CDC27: variants seen among roughly 807,000 people sequenced by gnomAD.
CDC27 encodes cell division cycle protein 27 homolog.
A neutral mutation model predicts 109.7 loss-of-function variants in CDC27; 27 were observed. That is an observed-to-expected ratio of 0.25 (90% CI 0.18 to 0.34). The LOEUF is 0.34. Among genes scored for constraint, CDC27 ranks in the 10% least tolerant of loss-of-function variants. The pLI is 1.00. For missense variants in CDC27, 579 were observed against 960.2 expected (o/e 0.60, Z 5.25); for synonymous variants, 266 against 333.9 (o/e 0.80, Z 2.22).
At position 47,147,400 on chromosome 17, in the gene CDC27, AAAACAAAC is replaced by A. The variant is rs532383207; in HGVS notation, c.1071-3426_1071-3419del. ...GGCGACAGAGCGAAACTCCGTCTCA[AAAACAAAC>A]AAACAAACAAACAAACAAACAAAAA... On this transcript the variant is annotated intron_variant, in intron 9 of 18. Transcript: ENST00000066544. Among the ~76,000 whole-genome samples the A allele has an allele frequency of 1.6e-3, 225 of 143,044 alleles. 1 individual carries two copies. The highest frequency in any genetic ancestry group is 5.4e-3 in the African/African-American group (207 of 38,598). The allele number at this position is 143,044 out of a possible 152,430, so 93.8% of individuals were successfully genotyped here.
intron 2 of CDC27, among the ~76,000 whole-genome samples, chr17:47,177,291 T>C (rs2148988362): frequency 6.6e-6 from 1 of 152,170 alleles, no homozygotes; most frequent in East Asian, 1.9e-4. Flanking sequence ...TATTAAAAAA[T>C]AAAGACCGGA....
At chr17:47,145,540 C>G (rs567645672) in intron 9 of CDC27, among the ~76,000 whole-genome samples, 9 of 152,058 alleles carry the variant, frequency 5.9e-5, no homozygotes, top group Non-Finnish European at 1.0e-4. Context: ...CTCCTGGGAC[C>G]GTGCCTGAAT....
At chr17:47,178,470 G>C (rs563997078) in intron 2 of CDC27, among the ~76,000 whole-genome samples, 1 of 151,262 alleles carries the variant, frequency 6.6e-6, no homozygotes, top group Non-Finnish European at 1.5e-5. Context: ...GGGAGGTCAA[G>C]GCTGAAGTGA....
At position 47,152,563 on chromosome 17, in the gene CDC27, C is replaced by G. The variant is rs11570499; in HGVS notation, c.958-645G>C. Among the ~76,000 whole-genome samples, 16 of 152,186 alleles carry G rather than the reference C, an allele frequency of 1.1e-4. No homozygotes were observed. The East Asian group carries it at 2.1e-3, about 20-fold the overall frequency. On this transcript the variant is annotated intron_variant, in intron 8 of 18. Coordinates refer to ENST00000066544, the MANE Select transcript of CDC27 (RefSeq NM_001256.6). Reference sequence around the variant, plus strand: ...TCTAATTTATTCCCTTATTTCTATTCATTTCCACCATCTAGCTTCTTTAAA... The same window carrying G: ...TCTAATTTATTCCCTTATTTCTATTGATTTCCACCATCTAGCTTCTTTAAA...
intron 4 of CDC27, among the ~76,000 whole-genome samples, chr17:47,167,597 T>G (rs1055870428): frequency 1.8e-4 from 28 of 152,232 alleles, no homozygotes; most frequent in Admixed American, 6.5e-4. Flanking sequence ...ACGTTTAATG[T>G]GATAATAAAA....
chr17:47,134,585 C>T (rs1432696275), intron 14 of CDC27, among the ~76,000 whole-genome samples: 1 of 151,866 alleles, frequency 6.6e-6, no homozygotes, highest in Non-Finnish European at 1.5e-5. Context: ...AAGTGGTTTT[C>T]CTGCCTCAGT....
chr17:47,161,691 A>C (rs2063501830), intron 4 of CDC27: 2 of 152,358 alleles, frequency 1.3e-5, no homozygotes, highest in African/African-American at 4.8e-5. Flanking sequence ...TGGAGGTTAC[A>C]GTGAGTCGAG....
intron 14 of CDC27, among the ~76,000 whole-genome samples, chr17:47,134,347 C>T (rs529322277): frequency 6.8e-4 from 102 of 150,902 alleles, no homozygotes; most frequent in African/African-American, 2.2e-3. Context: ...CTCTGTCGCC[C>T]GGGCTGGAGT....
chr17:47,169,881 AATGCTTTTCTGAC>A (rs2063762546), intron 4 of CDC27, 23 bp downstream of exon 4: 1 of 1,532,194 alleles, frequency 6.5e-7, no homozygotes, highest in African/African-American at 1.4e-5. Flanking sequence ...CTTGTATGGA[AATGCTTTTCTGAC>A]AGTTTGAATC....
At chr17:47,122,956 C>A (rs1041163459) in intron 17 of CDC27, among the ~76,000 whole-genome samples, 3 of 152,086 alleles carry the variant, frequency 2.0e-5, no homozygotes, top group African/African-American at 7.2e-5. Context: ...TGTGAGCCAC[C>A]GCGCCCAGCC....
chr17:47,160,297 G>A (rs2063461360), intron 4 of CDC27, among the ~76,000 whole-genome samples: 1 of 147,314 alleles, frequency 6.8e-6, no homozygotes, highest in Non-Finnish European at 1.5e-5. Flanking sequence ...GCATGATCTC[G>A]GCTCACTGCA....
chr17:47,181,648 A>G lies in CDC27; in HGVS notation c.28-11T>C. The G allele has an allele frequency of 6.4e-7, 1 of 1,558,780 alleles. No homozygotes were observed. The highest frequency in any genetic ancestry group is 8.8e-7 in the Non-Finnish European group (1 of 1,133,706). On this transcript the variant is annotated splice_polypyrimidine_tract_variant and intron_variant, in intron 1 of 18. Coordinates refer to ENST00000066544, the MANE Select transcript of CDC27 (RefSeq NM_001256.6). ...TTGCCATATAGCAGCCTGCAAATGG[A>G]GGAAAAAGAACATAAATATACATAC...
chr17:47,132,975 T>C (rs1218618936), intron 14 of CDC27, among the ~76,000 whole-genome samples: 8 of 122,506 alleles, frequency 6.5e-5, no homozygotes, highest in African/African-American at 2.5e-4. Context: ...GGTTTTGCCA[T>C]GTTGCCCAGG....
At chr17:47,122,891 C>G (rs1226960749) in intron 17 of CDC27, among the ~76,000 whole-genome samples, 1 of 152,102 alleles carries the variant, frequency 6.6e-6, no homozygotes, top group Non-Finnish European at 1.5e-5. Context: ...CTAGGCTACT[C>G]TCAAACTCCT....
chr17:47,178,365 G>A (rs1257774966), intron 2 of CDC27, among the ~76,000 whole-genome samples: 1 of 151,082 alleles, frequency 6.6e-6, no homozygotes, highest in Non-Finnish European at 1.5e-5. Flanking sequence ...GTGAGATCTC[G>A]TGTTCTCAAA....
rs9890214 is a variant in CDC27 at position 47,123,630 on chromosome 17, T to C, written c.2235+256A>G. Among the ~76,000 whole-genome samples the C allele has an allele frequency of 8.7e-3, 1,319 of 152,072 alleles. 22 individuals carry two copies. The highest frequency in any genetic ancestry group is 0.031 in the African/African-American group (1,283 of 41,464). On this transcript the variant is annotated intron_variant, in intron 17 of 18. Transcript: ENST00000066544. The stretch of plus-strand genomic sequence containing the variant: ...TTTCACCATGTTGGTCAGGCTGGTC[T>C]TAAACTCCTGACCTCACGTAATCTA...
intron 4 of CDC27, among the ~76,000 whole-genome samples, chr17:47,163,809 G>C (rs1007414767): frequency 6.6e-5 from 10 of 152,178 alleles, no homozygotes; most frequent in African/African-American, 2.4e-4. Context: ...TTGCTGCCCA[G>C]GCTGGAGTAC....
chr17:47,152,073 T>C (rs1431985500), intron 8 of CDC27, 155 bp from the exon 9 acceptor site: 3 of 494,172 alleles, frequency 6.1e-6, no homozygotes, highest in South Asian at 6.3e-5. Flanking sequence ...TTGTTAATTA[T>C]TGTTGTATTA....
chr17:47,143,919 ACTT>A lies in CDC27; in HGVS notation c.1131_1133del (p.Arg377del). 2.0e-6 allele frequency: 3 copies of A among 1,498,218 alleles called. No homozygotes were observed. Among genetic ancestry groups the A allele is most frequent in the Non-Finnish European group, 2.7e-6 (3 of 1,116,872 alleles). 92.8% of individuals were successfully genotyped at this position (1,498,218 alleles called of 1,614,324 possible). ...AGCTGTCACTAGTAAAGAGTCGTGA[ACTT>A]CTTCGAGGCAGTGCGTTTGGGGGAG... is the stretch of plus-strand genomic sequence containing the variant. On this transcript the variant is annotated inframe_deletion, in exon 10 of 19. Coordinates refer to ENST00000066544, the MANE Select transcript of CDC27 (RefSeq NM_001256.6).
Sources: gnomAD v4.1 joint callset for allele counts (sites outside exome capture counted in the v4.1 genomes callset) on GRCh38, gnomAD v4.1.1 for gene constraint, MANE v1.5 for transcripts, NCBI Gene and HGNC (gene_info 2026-07-23, HGNC 2026-07-21) for gene names.